GNAQ: variants seen among roughly 807,000 people sequenced by gnomAD.
GNAQ encodes guanine nucleotide-binding protein G(q) subunit alpha.
A neutral mutation model predicts 43.9 loss-of-function variants in GNAQ; 8 were observed. The observed-to-expected ratio is 0.18, with a 90% CI of 0.11 to 0.33. The LOEUF (loss-of-function observed/expected upper bound fraction) is 0.33, where lower values mean the gene tolerates loss of function less well. Ranked by LOEUF, GNAQ falls within the 10% of genes least tolerant of loss-of-function variation. The pLI is 1.00. For synonymous variants in GNAQ, 155 were observed against 170.7 expected (o/e 0.91, Z 0.71); for missense variants, 158 against 450.8 (o/e 0.35, Z 5.88).
At chr9:77,930,788 T>C (rs1829138436) in intron 1 of GNAQ, among the ~76,000 whole-genome samples, 1 of 152,054 alleles carries the variant, frequency 6.6e-6, no homozygotes, top group South Asian at 2.1e-4. Flanking sequence ...ATCAAAAAAA[T>C]ATATGAAGCA....
At chr9:77,739,535 A>G (rs1415215584) in intron 5 of GNAQ, among the ~76,000 whole-genome samples, 1 of 152,208 alleles carries the variant, frequency 6.6e-6, no homozygotes, top group Non-Finnish European at 1.5e-5. Flanking sequence ...TAAGATTAAA[A>G]CAGCTTTGAT....
intron 5 of GNAQ, among the ~76,000 whole-genome samples, chr9:77,753,103 A>G (rs550970955): frequency 1.1e-4 from 17 of 150,640 alleles, no homozygotes; most frequent in East Asian, 9.7e-4. Flanking sequence ...AAAAAAAAAA[A>G]AAAGAAAAAG....
At chr9:77,937,237 C>T (rs755979672) in intron 1 of GNAQ, among the ~76,000 whole-genome samples, 25 of 151,594 alleles carry the variant, frequency 1.6e-4, no homozygotes, top group Non-Finnish European at 2.8e-4. Context: ...AGGTCGAGTT[C>T]GACACCAGCC....
rs1288257773 is a variant in GNAQ at position 77,985,187 on chromosome 9, G to A, written c.136+45913C>T. Among the ~76,000 whole-genome samples the A allele has an allele frequency of 3.3e-5, 5 of 152,150 alleles. No homozygotes were observed. The South Asian group carries it at 6.2e-4, about 19-fold the overall frequency. ...TAGCCAGGCATGGTGGTAGGTGCCT[G>A]TAGTCCCAGCTATAGGCTGGGAGGC... On this transcript the variant is annotated intron_variant, in intron 1 of 6. Coordinates refer to ENST00000286548, the MANE Select transcript of GNAQ (RefSeq NM_002072.5).
At chr9:77,763,481 A>G (rs1826087988) in intron 5 of GNAQ, among the ~76,000 whole-genome samples, 2 of 152,172 alleles carry the variant, frequency 1.3e-5, no homozygotes, top group African/African-American at 4.8e-5. Flanking sequence ...TTAATACTGT[A>G]TGTGTGAAGC....
intron 1 of GNAQ, among the ~76,000 whole-genome samples, chr9:77,965,210 C>T (rs1823151548): frequency 2.0e-5 from 3 of 152,000 alleles, no homozygotes; most frequent in African/African-American, 7.3e-5. Flanking sequence ...CAACTACCAC[C>T]AATCAACACC....
chr9:78,021,346 C>T (rs577324516), intron 1 of GNAQ, among the ~76,000 whole-genome samples: 6 of 152,188 alleles, frequency 3.9e-5, no homozygotes, highest in Admixed American at 1.3e-4. Flanking sequence ...CTTAAGGTTT[C>T]TCTGATCATG....
intron 5 of GNAQ, among the ~76,000 whole-genome samples, chr9:77,778,296 G>A (rs1826336924): frequency 6.6e-6 from 1 of 151,588 alleles, no homozygotes; most frequent in African/African-American, 2.4e-5. Context: ...ATGGAAAGAA[G>A]GAATTAAAAG....
intron 2 of GNAQ, among the ~76,000 whole-genome samples, chr9:77,875,966 T>C (rs928207770): frequency 1.9e-4 from 29 of 152,304 alleles, no homozygotes; most frequent in African/African-American, 5.8e-4. Context: ...CCAAATCCAG[T>C]TGCCCACATA....
At chr9:77,975,208 G>A (rs1039458471) in intron 1 of GNAQ, among the ~76,000 whole-genome samples, 3 of 152,140 alleles carry the variant, frequency 2.0e-5, no homozygotes, top group African/African-American at 4.8e-5. Context: ...TGCAGCAAAC[G>A]AAAACATTTA....
intron 1 of GNAQ, among the ~76,000 whole-genome samples, chr9:78,020,625 T>C (rs756005562): frequency 6.6e-6 from 1 of 152,172 alleles, no homozygotes; most frequent in Non-Finnish European, 1.5e-5. Context: ...GGTCTGGCTC[T>C]TCCTGATTGA....
At chr9:78,021,385 C>T (rs186562582) in intron 1 of GNAQ, among the ~76,000 whole-genome samples, 154 of 152,206 alleles carry the variant, frequency 1.0e-3, no homozygotes, top group African/African-American at 3.6e-3. Context: ...GGCTCAGAGG[C>T]CACAGCATTA....
rs375862977 is a variant in GNAQ at position 77,782,328 on chromosome 9, C to T, written c.735+12135G>A. 9.9e-5 allele frequency among the ~76,000 whole-genome samples: 15 copies of T among 152,216 alleles called. No homozygotes were observed. In the South Asian group the frequency reaches 1.4e-3, roughly 15 times the overall value. ...AAATGCTCCAAAATTTTCTAATGTG[C>T]CAAAGACTTGTACATCTGTTCACTT... On this transcript the variant is annotated intron_variant, in intron 5 of 6. Coordinates refer to ENST00000286548, the MANE Select transcript of GNAQ (RefSeq NM_002072.5).
intron 1 of GNAQ, among the ~76,000 whole-genome samples, chr9:77,978,224 T>C (rs1823327077): frequency 6.6e-6 from 1 of 152,178 alleles, no homozygotes; most frequent in Non-Finnish European, 1.5e-5. Flanking sequence ...TGTGTCAACT[T>C]CAGACAGAAT....
chr9:77,744,098 G>A (rs779801524), intron 5 of GNAQ, among the ~76,000 whole-genome samples: 14 of 152,098 alleles, frequency 9.2e-5, no homozygotes, highest in Non-Finnish European at 2.1e-4. Context: ...TCCATATTTC[G>A]GATACAGACT....
At chr9:77,876,175 C>T (rs1360125641) in intron 2 of GNAQ, among the ~76,000 whole-genome samples, 1 of 152,126 alleles carries the variant, frequency 6.6e-6, no homozygotes, top group Non-Finnish European at 1.5e-5. Context: ...ACCAGGATTC[C>T]ACAAAGCTGG....
At chr9:78,005,562 A>G (rs764996236) in intron 1 of GNAQ, among the ~76,000 whole-genome samples, 38 of 152,224 alleles carry the variant, frequency 2.5e-4, no homozygotes, top group Non-Finnish European at 4.3e-4. Context: ...TTACCAAAAC[A>G]TATCACGGAA....
intron 1 of GNAQ, among the ~76,000 whole-genome samples, chr9:78,013,470 C>T (rs183679118): frequency 6.6e-6 from 1 of 152,010 alleles, no homozygotes; most frequent in African/African-American, 2.4e-5. Context: ...CCGCTCCCCC[C>T]ACCCCACAAC....
At chr9:77,848,898 A>G (rs1231849680) in intron 2 of GNAQ, among the ~76,000 whole-genome samples, 2 of 152,272 alleles carry the variant, frequency 1.3e-5, no homozygotes, top group African/African-American at 2.4e-5. Flanking sequence ...AATACCCGAC[A>G]GCAAAATGCA....
Sources: allele counts gnomAD v4.1 joint callset (sites outside exome capture counted in the v4.1 genomes callset), GRCh38; gene constraint gnomAD v4.1.1; transcripts MANE v1.5; gene names NCBI Gene and HGNC (gene_info 2026-07-23, HGNC 2026-07-21).